Variants in NCOA2 observed in about 807,000 individuals in gnomAD.
The protein encoded by NCOA2 is nuclear receptor coactivator 2.
NCOA2 carries 21 observed loss-of-function variants against 145.1 expected under a neutral mutation model. The observed-to-expected ratio is 0.14, with a 90% CI of 0.10 to 0.21. The LOEUF (loss-of-function observed/expected upper bound fraction) is 0.21, where lower values mean the gene tolerates loss of function less well. Ranked by LOEUF, NCOA2 falls within the 10% of genes least tolerant of loss-of-function variation. The pLI, the probability that NCOA2 is intolerant of heterozygous loss-of-function variation, is 1.00. For synonymous variants in NCOA2, 619 were observed against 637.5 expected, an observed-to-expected ratio of 0.97 and a Z score of 0.44; for missense variants, 1,472 against 1,837.6, an observed-to-expected ratio of 0.80 and a Z score of 3.64.
chr8:70,445,918 C>T, the NCOA2 span, among the ~76,000 whole-genome samples: 1 of 152,144 alleles, frequency 6.6e-6, no homozygotes, highest in Non-Finnish European at 1.5e-5. Flanking sequence ...CTGGAAGGGT[C>T]GGAGAGAGCA....
chr8:70,148,502 A>G lies in NCOA2; in HGVS notation c.2395-19T>C. ...TGCCAGGCTGTAGTTGACAAACAGA[A>G]GAGTTTATCCAGTCTACTCTAAGAG... On this transcript the variant is annotated intron_variant, in intron 11 of 22. Coordinates refer to ENST00000452400, the MANE Select transcript of NCOA2 (RefSeq NM_006540.4). 6.2e-7 allele frequency: 1 copy of G among 1,609,702 alleles called. No individual in the cohort carries two copies. Among genetic ancestry groups the G allele is most frequent in the Middle Eastern group, 2.1e-4 (1 of 4,658 alleles).
chr8:70,300,403 G>A (rs1300442678), intron 1 of NCOA2, among the ~76,000 whole-genome samples: 1 of 152,216 alleles, frequency 6.6e-6, no homozygotes, highest in East Asian at 1.9e-4. Flanking sequence ...TTTCTTGTGT[G>A]ATAGCTACAG....
chr8:70,215,454 A>C (rs956734835), intron 3 of NCOA2, among the ~76,000 whole-genome samples: 1 of 152,206 alleles, frequency 6.6e-6, no homozygotes, highest in African/African-American at 2.4e-5. Context: ...GTGGTTTACC[A>C]GGAAGTAGTA....
intron 19 of NCOA2, 65 bp from the exon 20 acceptor site, chr8:70,124,930 G>A (rs187130439): frequency 3.8e-5 from 54 of 1,415,940 alleles, no homozygotes; most frequent in Non-Finnish European, 4.5e-5. Flanking sequence ...GAGACTGGTG[G>A]GGGGGAAAGA....
chr8:70,215,897 T>G (rs1819575413), intron 3 of NCOA2, among the ~76,000 whole-genome samples: 1 of 152,238 alleles, frequency 6.6e-6, no homozygotes, highest in South Asian at 2.1e-4. Flanking sequence ...GCTTTTTGTC[T>G]GTAACAATAT....
At chr8:70,251,295 T>C (rs536882797) in intron 2 of NCOA2, among the ~76,000 whole-genome samples, 8 of 152,166 alleles carry the variant, frequency 5.3e-5, no homozygotes, top group Non-Finnish European at 1.0e-4. Context: ...ACTACTGCAG[T>C]AGATTATACC....
At chr8:70,274,277 TA>T in intron 2 of NCOA2, among the ~76,000 whole-genome samples, 1 of 152,068 alleles carries the variant, frequency 6.6e-6, no homozygotes, top group East Asian at 1.9e-4. Context: ...GTTTTTTGGT[TA>T]AAAGTGCTTG....
At chr8:70,450,286 A>G in the NCOA2 span, among the ~76,000 whole-genome samples, 1 of 152,214 alleles carries the variant, frequency 6.6e-6, no homozygotes, top group Non-Finnish European at 1.5e-5. Context: ...GTGGGAGGTG[A>G]TTAGGTCATG....
chr8:70,111,334 A>G lies in NCOA2; in HGVS notation c.*2298T>C, dbSNP rs1159901326. The G allele has an allele frequency of 1.8e-5, 4 of 225,412 alleles. No individual in the cohort carries two copies. The East Asian group carries it at 1.9e-4, about 11-fold the overall frequency. The allele number at this position is 225,412 out of a possible 1,614,324, so 14.0% of individuals were successfully genotyped here. ...ACAAAACAAATCCAGTTTAAACTCC[A>G]TTTCTCTTTTGTGCTGTGTGAAGTT... On this transcript the variant is annotated 3_prime_UTR_variant, in exon 23 of 23. Transcript: ENST00000452400.
At chr8:70,190,444 T>C (rs1816556889) in intron 4 of NCOA2, among the ~76,000 whole-genome samples, 1 of 152,184 alleles carries the variant, frequency 6.6e-6, no homozygotes, top group African/African-American at 2.4e-5. Context: ...TATCCGAATA[T>C]GGATTGGGAG....
chr8:70,196,959 T>A (rs1181767886), intron 4 of NCOA2, among the ~76,000 whole-genome samples: 2 of 152,206 alleles, frequency 1.3e-5, no homozygotes, highest in African/African-American at 4.8e-5. Context: ...CTATGAAACA[T>A]AGGCAATAAT....
At chr8:70,198,607 T>C (rs773272994) in intron 4 of NCOA2, among the ~76,000 whole-genome samples, 31 of 152,144 alleles carry the variant, frequency 2.0e-4, no homozygotes, top group Non-Finnish European at 4.3e-4. Context: ...TGTCTTAAAT[T>C]AGAGTGCTGA....
intron 1 of NCOA2, among the ~76,000 whole-genome samples, chr8:70,369,434 T>C (rs965980791): frequency 1.3e-5 from 2 of 152,252 alleles, no homozygotes; most frequent in African/African-American, 4.8e-5. Flanking sequence ...AACTCACTTA[T>C]AATGAAATTA....
At chr8:70,138,102 C>T (rs1347878857) in intron 15 of NCOA2, 101 bp downstream of exon 15, 8 of 1,275,898 alleles carry the variant, frequency 6.3e-6, no homozygotes, top group Non-Finnish European at 8.6e-6. Context: ...TAATATAGTA[C>T]CAATAAATGA....
At chr8:70,346,395 C>CAA (rs1402730620) in intron 1 of NCOA2, among the ~76,000 whole-genome samples, 1 of 152,134 alleles carries the variant, frequency 6.6e-6, no homozygotes, top group Non-Finnish European at 1.5e-5. Flanking sequence ...CAGAGATAAG[C>CAA]AAAGGGATTC....
intron 2 of NCOA2, among the ~76,000 whole-genome samples, chr8:70,293,677 G>C (rs1298093143): frequency 1.3e-5 from 2 of 152,166 alleles, no homozygotes; most frequent in African/African-American, 2.4e-5. Context: ...TCAACTTTCT[G>C]TAGTGAAAGG....
At chr8:70,305,833 T>G (rs576101246) in intron 1 of NCOA2, among the ~76,000 whole-genome samples, 1 of 152,184 alleles carries the variant, frequency 6.6e-6, no homozygotes, top group South Asian at 2.1e-4. Flanking sequence ...TTCCAAAAGC[T>G]AGCACCAGAC....
intron 1 of NCOA2, among the ~76,000 whole-genome samples, chr8:70,311,655 C>T (rs1442960602): frequency 6.6e-6 from 1 of 152,194 alleles, no homozygotes; most frequent in Non-Finnish European, 1.5e-5. Context: ...CTCTTCTAGA[C>T]TGGTCTAGAG....
chr8:70,312,656 T>G (rs1805229610), intron 1 of NCOA2, among the ~76,000 whole-genome samples: 1 of 152,206 alleles, frequency 6.6e-6, no homozygotes, highest in African/African-American at 2.4e-5. Context: ...TTTTTCCTTA[T>G]TTCTCTAACA....
Sources: allele counts gnomAD v4.1 joint callset (sites outside exome capture counted in the v4.1 genomes callset), GRCh38; gene constraint gnomAD v4.1.1; transcripts MANE v1.5; gene names NCBI Gene and HGNC (gene_info 2026-07-23, HGNC 2026-07-21).